ARMC12: variants seen among roughly 807,000 people sequenced by gnomAD.
The protein encoded by ARMC12 is armadillo repeat containing 12.
Under a neutral mutation model 37.4 loss-of-function variants are expected in ARMC12, and 25 were observed. That is an observed-to-expected ratio of 0.67 (90% CI 0.49 to 0.93). The LOEUF (loss-of-function observed/expected upper bound fraction) is 0.93, where lower values mean the gene tolerates loss of function less well. Ranked by LOEUF, ARMC12 falls within the 40% of genes least tolerant of loss-of-function variation. The pLI is 0.00. For missense variants in ARMC12, 384 were observed against 426.6 expected (o/e 0.90, Z 0.88); for synonymous variants, 167 against 176.1 (o/e 0.95, Z 0.41).
upstream of ARMC12, chr6:35,736,997 G>T: frequency 6.7e-7 from 1 of 1,500,088 alleles, no homozygotes; most frequent in African/African-American, 1.4e-5. Flanking sequence ...TGTTGCCTAG[G>T]TTCCAATTCT....
intron 3 of ARMC12, among the ~76,000 whole-genome samples, chr6:35,746,620 G>A (rs1388092504): frequency 6.6e-6 from 1 of 152,172 alleles, no homozygotes; most frequent in East Asian, 1.9e-4. Context: ...AGGGTGGTAA[G>A]AAGTGGGGGT....
chr6:35,748,875 A>C lies in ARMC12; in HGVS notation c.*5A>C. The C allele has an allele frequency of 6.2e-6, 10 of 1,603,458 alleles. No homozygotes were observed. The highest frequency in any genetic ancestry group is 8.5e-6 in the Non-Finnish European group (10 of 1,174,686). On this transcript the variant is annotated 3_prime_UTR_variant, in exon 6 of 6. Coordinates refer to ENST00000373866, the MANE Select transcript of ARMC12 (RefSeq NM_001286574.2). ...TACTTTAAAAACACGGAATAAAATT[A>C]AGGAGAGCCAATAAATGAGTATAGG...
upstream of ARMC12, among the ~76,000 whole-genome samples, chr6:35,732,370 A>G (rs537750557): frequency 6.6e-6 from 1 of 152,242 alleles, no homozygotes; most frequent in East Asian, 1.9e-4. Context: ...TACACACATT[A>G]TCTCAGTCCT....
At chr6:35,735,661 G>A (rs1766942974), upstream of ARMC12, 1 of 152,368 alleles carries the variant, frequency 6.6e-6, no homozygotes, top group African/African-American at 2.4e-5. The surrounding 1 kb of genome is among the most constrained non-coding windows in gnomAD (Gnocchi z 4.0). Flanking sequence ...CTGTGGGCGT[G>A]GCCCTAGTTT....
In ARMC12 at chr6:35,748,879, A is replaced by G; in HGVS notation, c.*9A>G. On this transcript the variant is annotated 3_prime_UTR_variant, in exon 6 of 6. Transcript: ENST00000373866. ...TTAAAAACACGGAATAAAATTAAGG[A>G]GAGCCAATAAATGAGTATAGGAGAG... 1 of 1,602,128 alleles carries G rather than the reference A, an allele frequency of 6.2e-7. No homozygotes were observed. Among genetic ancestry groups the G allele is most frequent in the Non-Finnish European group, 8.5e-7 (1 of 1,173,972 alleles).
At chr6:35,736,524 A>T (rs1033400766), upstream of ARMC12, among the ~76,000 whole-genome samples, 6 of 152,216 alleles carry the variant, frequency 3.9e-5, no homozygotes, top group African/African-American at 1.4e-4. Flanking sequence ...CCCTTAAAGA[A>T]GAGGAGATGT....
At chr6:35,738,289 G>GGGGGGGGGGTGC (rs1767051175) in intron 2 of ARMC12, 95 bp from the exon 3 acceptor site, 1 of 1,427,658 alleles carries the variant, frequency 7.0e-7, no homozygotes, top group Non-Finnish European at 9.4e-7. Flanking sequence ...ATAGCGGTGG[G>GGGGGGGGGGTGC]GGGGGGGTGT....
chr6:35,739,014 A>G (rs976705687), intron 3 of ARMC12, among the ~76,000 whole-genome samples: 1 of 152,182 alleles, frequency 6.6e-6, no homozygotes, highest in African/African-American at 2.4e-5. Context: ...AATGGCTCCC[A>G]GAACTCAGGA....
chr6:35,738,104 C>T lies in ARMC12; in HGVS notation c.241C>T (p.Gln81Ter), dbSNP rs1767032322. The change falls in exon 2 of 6, where the codon CAG (glutamine) becomes TAG (stop). Residue 81 changes from glutamine to a stop codon, truncating the protein, a stop_gained. Transcript: ENST00000373866. LOFTEE classifies it high-confidence loss of function. ...GCTCCTCAACTCTTTGGAGTGCAAACAGGATGAGTATGCCAAGAGCATGAT... is the reference window on the plus strand; with the variant it reads ...GCTCCTCAACTCTTTGGAGTGCAAATAGGATGAGTATGCCAAGAGCATGAT... The part of the protein sequence containing the change: ...RRLLNSLECK[Q>*]DEYAKSMILH... 1 of 1,614,078 alleles carries T rather than the reference C, an allele frequency of 6.2e-7. No individual in the cohort carries two copies. Among genetic ancestry groups the T allele is most frequent in the Non-Finnish European group, 8.5e-7 (1 of 1,180,022 alleles).
upstream of ARMC12, among the ~76,000 whole-genome samples, chr6:35,736,248 G>A (rs1451580921): frequency 6.6e-6 from 1 of 152,226 alleles, no homozygotes; most frequent in Non-Finnish European, 1.5e-5. Flanking sequence ...TCAAGAGTCT[G>A]TGCATGCTTT....
rs751395075 is a variant in ARMC12, at chr6:35,748,684, G to T, written c.837G>T (p.Leu279=). 6.2e-7 allele frequency: 1 copy of T among 1,614,188 alleles called. No homozygotes were observed. The highest frequency in any genetic ancestry group is 8.5e-7 in the Non-Finnish European group (1 of 1,180,026). ...AATGGCATTACAACGAACAGTCCCT[G>T]CATGAATCCCTCTTTGGGGAAGAGT... is the stretch of plus-strand genomic sequence containing the variant. ...VVKWHYNEQS[L]HESLFGEESR... Residue 279 remains leucine, a synonymous_variant, in exon 6 of 6, where the codon CTG becomes CTT. Coordinates refer to ENST00000373866, the MANE Select transcript of ARMC12 (RefSeq NM_001286574.2).
chr6:35,742,496 CAAAAAAA>C (rs760070963), intron 3 of ARMC12, among the ~76,000 whole-genome samples: 2 of 43,436 alleles, frequency 4.6e-5, no homozygotes, highest in Non-Finnish European at 8.6e-5. Flanking sequence ...GACTCTGTCT[CAAAAAAA>C]AAAAAAAAAA....
At chr6:35,738,357 C>T (rs1324889423) in intron 2 of ARMC12, 27 bp from the exon 3 acceptor site, 21 of 1,610,494 alleles carry the variant, frequency 1.3e-5, no homozygotes, top group Non-Finnish European at 1.8e-5. Flanking sequence ...CTTCTCCTGC[C>T]TCTTCCATCT....
chr6:35,736,794 G>C (rs1489895703), upstream of ARMC12: 18 of 341,288 alleles, frequency 5.3e-5, no homozygotes, highest in South Asian at 5.3e-4. Context: ...ATTTTTAATA[G>C]AGACAAGGTT....
chr6:35,736,945 C>A, upstream of ARMC12: 1 of 1,108,164 alleles, frequency 9.0e-7, no homozygotes, highest in Non-Finnish European at 1.3e-6. Flanking sequence ...TGCCCCATTT[C>A]CTGACCACTG....
chr6:35,735,574 T>C (rs1018574383), upstream of ARMC12, among the ~76,000 whole-genome samples: 1 of 152,050 alleles, frequency 6.6e-6, no homozygotes, highest in Non-Finnish European at 1.5e-5. This position sits in a 1 kb window ranked among gnomAD's most constrained non-coding sequence, Gnocchi z 4.0. Context: ...CCCAGAGCCT[T>C]CTGTCCCAGT....
At chr6:35,747,958 G>C (rs748102922) in intron 5 of ARMC12, among the ~76,000 whole-genome samples, 7 of 152,102 alleles carry the variant, frequency 4.6e-5, no homozygotes. Context: ...AGCATTATTA[G>C]GGATAGAAAA....
At chr6:35,737,855 C>T in intron 1 of ARMC12, 172 bp from the exon 2 acceptor site, 3 of 811,740 alleles carry the variant, frequency 3.7e-6, no homozygotes, top group Non-Finnish European at 6.0e-6. Flanking sequence ...ATAGGGTGCC[C>T]TTGTGCAGTA....
chr6:35,732,183 G>C (rs560428568), upstream of ARMC12, among the ~76,000 whole-genome samples: 2 of 152,308 alleles, frequency 1.3e-5, no homozygotes, highest in African/African-American at 4.8e-5. Context: ...CGCGCCTTAG[G>C]CTGAGCTACC....
Sources: gnomAD v4.1 joint callset for allele counts (sites outside exome capture counted in the v4.1 genomes callset) on GRCh38, gnomAD v4.1.1 for gene constraint, Gnocchi (gnomAD v3.1) non-coding constraint, MANE v1.5 for transcripts, NCBI Gene and HGNC (gene_info 2026-07-23, HGNC 2026-07-21) for gene names.